The following AGAP1 variants were observed in gnomAD, a reference collection of about 807,000 sequenced individuals.
The protein encoded by AGAP1 is ArfGAP with GTPase domain, ankyrin repeat and PH domain 1.
Under a neutral mutation model 105.3 loss-of-function variants are expected in AGAP1, and 29 were observed. That is an observed-to-expected ratio of 0.28 (90% CI 0.21 to 0.38). The LOEUF is 0.38. Ranked by LOEUF, AGAP1 falls within the 10% of genes least tolerant of loss-of-function variation. The pLI, the probability that AGAP1 is intolerant of heterozygous loss-of-function variation, is 1.00. For synonymous variants in AGAP1, 509 were observed against 485.9 expected, an observed-to-expected ratio of 1.05 and a Z score of -0.63; for missense variants, 998 against 1,165.1, an observed-to-expected ratio of 0.86 and a Z score of 2.09.
chr2:236,023,772 G>T lies in AGAP1; in HGVS notation c.1646-12789G>T, dbSNP rs2056960184. Among the ~76,000 whole-genome samples, 4 of 152,196 alleles carry T rather than the reference G, an allele frequency of 2.6e-5. No homozygotes were observed. In the South Asian group the frequency reaches 8.3e-4, roughly 32 times the overall value. ...ATATCCCATTTCATTTTCATCACAGGTTGCTCATTAAATGTGTCACAAAGG... is the reference window on the plus strand; with the variant it reads ...ATATCCCATTTCATTTTCATCACAGTTTGCTCATTAAATGTGTCACAAAGG... On this transcript the variant is annotated intron_variant, in intron 13 of 17. Transcript: ENST00000304032.
Position 236,027,262 on chromosome 2 carries a change from G to A in AGAP1, c.1646-9299G>A, listed in dbSNP as rs1444420437. 6.6e-6 allele frequency among the ~76,000 whole-genome samples: 1 copy of A among 152,068 alleles called. No individual in the cohort carries two copies. The highest frequency in any genetic ancestry group is 1.5e-5 in the Non-Finnish European group (1 of 68,020). Reference sequence around the variant, plus strand: ...ACCCTCCCTCAAAATAAAAAATGAAGCCACCTAAAGACAGGATCCTGGGAA... The same window carrying A: ...ACCCTCCCTCAAAATAAAAAATGAAACCACCTAAAGACAGGATCCTGGGAA... On this transcript the variant is annotated intron_variant, in intron 13 of 17. Coordinates refer to ENST00000304032, the MANE Select transcript of AGAP1 (RefSeq NM_001037131.3). The surrounding 1 kb of genome is among the most constrained non-coding windows in gnomAD (Gnocchi z 4.4).
rs1943769014 is a variant in AGAP1, at chr2:235,550,482, T to G, written c.163+55633T>G. Among the ~76,000 whole-genome samples the G allele has an allele frequency of 6.6e-6, 1 of 152,212 alleles. No individual in the cohort carries two copies. Among genetic ancestry groups the G allele is most frequent in the African/African-American group, 2.4e-5 (1 of 41,460 alleles). ...TCTCCTCAAATGCCATTCACAGCAGTGTCAGTGCCTGCCCAGAGTGTGCTA... is the reference window on the plus strand; with the variant it reads ...TCTCCTCAAATGCCATTCACAGCAGGGTCAGTGCCTGCCCAGAGTGTGCTA... On this transcript the variant is annotated intron_variant, in intron 1 of 17. Coordinates refer to ENST00000304032, the MANE Select transcript of AGAP1 (RefSeq NM_001037131.3). The surrounding 1 kb of genome is among the most constrained non-coding windows in gnomAD (Gnocchi z 4.6).
rs889663875 is a variant in AGAP1 at position 235,887,121 on chromosome 2, C to A, written c.1155+3672C>A. On this transcript the variant is annotated intron_variant, in intron 10 of 17. Coordinates refer to ENST00000304032, the MANE Select transcript of AGAP1 (RefSeq NM_001037131.3). This position sits in a 1 kb window ranked among gnomAD's most constrained non-coding sequence, Gnocchi z 4.1. ...CTCAGTCTGGAAAATTTCAAAAGAT[C>A]GTAGAACCAGATGATCTCAGTTAAA... Among the ~76,000 whole-genome samples, 1 of 152,254 alleles carries A rather than the reference C, an allele frequency of 6.6e-6. No individual in the cohort carries two copies. Among genetic ancestry groups the A allele is most frequent in the Non-Finnish European group, 1.5e-5 (1 of 68,018 alleles).
chr2:235,539,586 G>A (rs1042842390), intron 1 of AGAP1, among the ~76,000 whole-genome samples: 1 of 152,166 alleles, frequency 6.6e-6, no homozygotes, highest in African/African-American at 2.4e-5. Context: ...CCTCTAGGGT[G>A]GGAGGAAGGA....
rs570174870 is a variant in AGAP1, at chr2:235,763,700, G to C, written c.673+13212G>C. 9.9e-5 allele frequency among the ~76,000 whole-genome samples: 15 copies of C among 152,050 alleles called. No homozygotes were observed. In the South Asian group the frequency reaches 2.1e-3, roughly 21 times the overall value. ...CCTTTTTCTGCACCTGGCCACACTG[G>C]GTATATTCATTTTGAAAACCTCTAT... On this transcript the variant is annotated intron_variant, in intron 6 of 17. Transcript: ENST00000304032.
chr2:235,766,195 T>C (rs1344562872), intron 6 of AGAP1, among the ~76,000 whole-genome samples: 1 of 152,218 alleles, frequency 6.6e-6, no homozygotes, highest in African/African-American at 2.4e-5. Context: ...CACAGGGTGC[T>C]TGGATTAAAT....
intron 10 of AGAP1, among the ~76,000 whole-genome samples, chr2:235,884,450 C>CTTT (rs2050174565): frequency 8.4e-6 from 1 of 119,032 alleles, no homozygotes; most frequent in Admixed American, 8.2e-5. Context: ...TTATTTTTCA[C>CTTT]TGTTTTTTTT....
chr2:235,857,466 G>A (rs1382345847), intron 9 of AGAP1, among the ~76,000 whole-genome samples: 1 of 152,186 alleles, frequency 6.6e-6, no homozygotes, highest in Non-Finnish European at 1.5e-5. Context: ...TTCCTGCCTT[G>A]CAGGGTCCTG....
Position 235,744,024 on chromosome 2 carries a change from C to G in AGAP1, c.397-674C>G, listed in dbSNP as rs1255407341. 1.3e-5 allele frequency among the ~76,000 whole-genome samples: 2 copies of G among 152,108 alleles called. No individual in the cohort carries two copies. Among genetic ancestry groups the G allele is most frequent in the Admixed American group, 6.5e-5 (1 of 15,270 alleles). On this transcript the variant is annotated intron_variant, in intron 4 of 17. Transcript: ENST00000304032. The surrounding 1 kb of genome is among the most constrained non-coding windows in gnomAD (Gnocchi z 5.2). ...TGTGATGTAGGTTCAACTGGCAAGA[C>G]AAGAATAAAATGAATACGGCAAAGC...
rs547811427 is a variant in AGAP1 at position 235,870,202 on chromosome 2, C to T, written c.1051-13143C>T. On this transcript the variant is annotated intron_variant, in intron 9 of 17. Transcript: ENST00000304032. ...TCCAGCCCAGGCTTGAAGTTCATGG[C>T]CTTGTCGTCTACACCAGGTACACGT... Among the ~76,000 whole-genome samples the T allele has an allele frequency of 2.0e-5, 3 of 152,332 alleles. No individual in the cohort carries two copies. The South Asian group carries it at 6.2e-4, about 32-fold the overall frequency.
rs1946010648 is a variant in AGAP1, at chr2:235,608,187, C to G, written c.164-100992C>G. ...GCATCCCCTTGCGGAGCCTCAGCAT[C>G]TCTTCTCTGCTTGGCCCACGTCTAG... On this transcript the variant is annotated intron_variant, in intron 1 of 17. Transcript: ENST00000304032. This position sits in a 1 kb window ranked among gnomAD's most constrained non-coding sequence, Gnocchi z 5.4. 6.6e-6 allele frequency among the ~76,000 whole-genome samples: 1 copy of G among 152,172 alleles called. No homozygotes were observed. Among genetic ancestry groups the G allele is most frequent in the African/African-American group, 2.4e-5 (1 of 41,444 alleles).
intron 1 of AGAP1, among the ~76,000 whole-genome samples, chr2:235,543,740 C>G (rs528281378): frequency 1.3e-5 from 2 of 152,278 alleles, no homozygotes; most frequent in African/African-American, 4.8e-5. Context: ...GAAACCACCT[C>G]GGGCCTGTGC....
At position 236,082,914 on chromosome 2, in the gene AGAP1, G is replaced by A. The variant is rs2058823081; in HGVS notation, c.2114+33633G>A. Among the ~76,000 whole-genome samples the A allele has an allele frequency of 6.6e-6, 1 of 151,928 alleles. No individual in the cohort carries two copies. Among genetic ancestry groups the A allele is most frequent in the African/African-American group, 2.4e-5 (1 of 41,342 alleles). On this transcript the variant is annotated intron_variant, in intron 16 of 17. Coordinates refer to ENST00000304032, the MANE Select transcript of AGAP1 (RefSeq NM_001037131.3). This position sits in a 1 kb window ranked among gnomAD's most constrained non-coding sequence, Gnocchi z 4.2. ...CTCACGCCTGTAATCCCAGCACTCTGGGAGGCCGAGGTGGCCGGATCACCT... is the reference window on the plus strand; with the variant it reads ...CTCACGCCTGTAATCCCAGCACTCTAGGAGGCCGAGGTGGCCGGATCACCT...
At chr2:235,800,773 G>C (rs1957460474) in intron 8 of AGAP1, among the ~76,000 whole-genome samples, 1 of 152,180 alleles carries the variant, frequency 6.6e-6, no homozygotes, top group African/African-American at 2.4e-5. Flanking sequence ...TCTAGTCGTG[G>C]GTAGCAACCA....
intron 13 of AGAP1, among the ~76,000 whole-genome samples, chr2:236,029,679 C>G (rs1267634741): frequency 1.3e-5 from 2 of 151,942 alleles, no homozygotes; most frequent in Non-Finnish European, 2.9e-5. Flanking sequence ...TTGTTCTTTC[C>G]TTCTTTTTCT....
intron 6 of AGAP1, among the ~76,000 whole-genome samples, chr2:235,771,771 C>T (rs1304337251): frequency 1.3e-5 from 2 of 152,178 alleles, no homozygotes; most frequent in Admixed American, 6.5e-5. Context: ...GCACTCCTGT[C>T]TCTCCCCAGT....
chr2:235,784,959 A>G (rs1334569540), intron 6 of AGAP1, among the ~76,000 whole-genome samples: 1 of 152,196 alleles, frequency 6.6e-6, no homozygotes, highest in East Asian at 1.9e-4. Flanking sequence ...CTGTTTTGTC[A>G]TCTCATCCTT....
rs2059201446 is a variant in AGAP1, at chr2:236,096,738, C to A, written c.2115-23454C>A. Among the ~76,000 whole-genome samples, 1 of 151,690 alleles carries A rather than the reference C, an allele frequency of 6.6e-6. No homozygotes were observed. The highest frequency in any genetic ancestry group is 2.4e-5 in the African/African-American group (1 of 41,302). On this transcript the variant is annotated intron_variant, in intron 16 of 17. Coordinates refer to ENST00000304032, the MANE Select transcript of AGAP1 (RefSeq NM_001037131.3). The surrounding 1 kb of genome is among the most constrained non-coding windows in gnomAD (Gnocchi z 4.4). ...GGATTACAGGTGCCCACCACCACAC[C>A]CAGCTAATTTTTTGTATTTTATTTT...
At chr2:235,878,613 G>A (rs1308379528) in intron 9 of AGAP1, among the ~76,000 whole-genome samples, 2 of 152,150 alleles carry the variant, frequency 1.3e-5, no homozygotes, top group Non-Finnish European at 2.9e-5. Context: ...GGCTGCTCCT[G>A]GATTTAGCAA....
Sources: gnomAD v4.1 joint callset for allele counts (sites outside exome capture counted in the v4.1 genomes callset) on GRCh38, gnomAD v4.1.1 for gene constraint, Gnocchi (gnomAD v3.1) non-coding constraint, MANE v1.5 for transcripts, NCBI Gene and HGNC (gene_info 2026-07-23, HGNC 2026-07-21) for gene names.